The following URM1 variants were observed in gnomAD, a reference collection of about 807,000 sequenced individuals.
URM1 encodes ubiquitin-related modifier 1.
A neutral mutation model predicts 17.7 loss-of-function variants in URM1; 11 were observed. The observed-to-expected ratio is 0.62, with a 90% CI of 0.39 to 1.03. The LOEUF is 1.03. URM1 is among the 50% of genes least tolerant of loss of function. The pLI is 0.00. For missense variants in URM1, 128 were observed against 129.2 expected (o/e 0.99, Z 0.04); for synonymous variants, 48 against 50.6 (o/e 0.95, Z 0.22).
At chr9:128,376,624 G>A (rs1833081709) in intron 1 of URM1, among the ~76,000 whole-genome samples, 2 of 152,056 alleles carry the variant, frequency 1.3e-5, no homozygotes, top group Non-Finnish European at 2.9e-5. Flanking sequence ...TCGCACTACT[G>A]CACTCCAGCC....
chr9:128,382,006 G>A (rs1429794307), intron 2 of URM1, among the ~76,000 whole-genome samples: 1 of 152,244 alleles, frequency 6.6e-6, no homozygotes, highest in Non-Finnish European at 1.5e-5. Context: ...AAGAGAAGGA[G>A]GGAGGGACCT....
chr9:128,388,714 GCAGGACTGCAC>G (rs1052642188), intron 3 of URM1: 2 of 986,684 alleles, frequency 2.0e-6, no homozygotes, highest in Non-Finnish European at 2.4e-6. Context: ...CTTATGCCAG[GCAGGACTGCAC>G]GTGAGCATTG....
At chr9:128,381,698 C>T (rs1833161986) in intron 2 of URM1, among the ~76,000 whole-genome samples, 1 of 151,964 alleles carries the variant, frequency 6.6e-6, no homozygotes. Context: ...AAACAAAAAA[C>T]AAAACAAATA....
At chr9:128,388,062 C>G (rs922626696) in intron 3 of URM1, 165 bp downstream of exon 3, 1 of 1,358,394 alleles carries the variant, frequency 7.4e-7, no homozygotes, top group Non-Finnish European at 9.5e-7. Context: ...GTTACTAAAC[C>G]GAACTCTTGA....
chr9:128,389,991 T>C lies in URM1; in HGVS notation c.*257T>C, dbSNP rs928970464. 4 of 549,454 alleles carry C rather than the reference T, an allele frequency of 7.3e-6. No homozygotes were observed. The highest frequency in any genetic ancestry group is 1.3e-5 in the Non-Finnish European group (4 of 312,900). The allele number at this position is 549,454 out of a possible 1,614,324, so 34.0% of individuals were successfully genotyped here. ...CAGCTGTGGTGGGGGAGGGTTCCCC[T>C]CCAGTTTGTCAAGAGTTGAAGGAGG... On this transcript the variant is annotated 3_prime_UTR_variant, in exon 5 of 5. Coordinates refer to ENST00000372853, the MANE Select transcript of URM1 (RefSeq NM_030914.4).
At chr9:128,383,405 C>T (rs1833184782) in intron 2 of URM1, among the ~76,000 whole-genome samples, 1 of 152,112 alleles carries the variant, frequency 6.6e-6, no homozygotes, top group Non-Finnish European at 1.5e-5. Context: ...CTTTCTTTTC[C>T]CTTTTCAACT....
chr9:128,371,407 G>A lies in URM1; in HGVS notation c.27G>A (p.Val9=), dbSNP rs1469590480. ...TGGCTGCGCCCTTGTCAGTGGAGGT[G>A]GAGTTCGGGTGAGTCACAGAGCTGG... MAAPLSVE[V]EFGGGAELLF... The change falls in exon 1 of 5, where the codon GTG becomes GTA. Residue 9 remains valine, a synonymous_variant. Transcript: ENST00000372853. 1.2e-6 allele frequency: 2 copies of A among 1,613,246 alleles called. No individual in the cohort carries two copies.
At position 128,387,090 on chromosome 9, in the gene URM1, A is replaced by G. The variant is rs746843922; in HGVS notation, c.107-726A>G. The stretch of plus-strand genomic sequence containing the variant: ...AGGTGGCTCTGAGCCTCCACATGAC[A>G]TACAAGGAGGCTGGTGGCTCCCCCA... On this transcript the variant is annotated intron_variant, in intron 2 of 4. Transcript: ENST00000372853. The surrounding 1 kb of genome is among the most constrained non-coding windows in gnomAD (Gnocchi z 4.3). Among the ~76,000 whole-genome samples the G allele has an allele frequency of 1.3e-5, 2 of 152,176 alleles. No homozygotes were observed. Among genetic ancestry groups the G allele is most frequent in the African/African-American group, 2.4e-5 (1 of 41,440 alleles).
chr9:128,386,000 G>A lies in URM1; in HGVS notation c.107-1816G>A, dbSNP rs984801703. On this transcript the variant is annotated intron_variant, in intron 2 of 4. Coordinates refer to ENST00000372853, the MANE Select transcript of URM1 (RefSeq NM_030914.4). ...TCTGGGACTCCATGCTGGTGCCATC[G>A]TTTGGATGACTCCACCATGACCACT... Among the ~76,000 whole-genome samples the A allele has an allele frequency of 2.7e-4, 41 of 152,192 alleles. 1 individual carries two copies. The highest frequency in any genetic ancestry group is 9.9e-4 in the African/African-American group (41 of 41,448).
In URM1 at chr9:128,378,040, G is replaced by T; in HGVS notation, c.40G>T (p.Gly14Cys). ...TTCTCTGGTCCTCCTTTGCAGAGGT[G>T]GTGCGGAGCTCCTGTTTGACGGTAT... is the stretch of plus-strand genomic sequence containing the variant. ...PLSVEVEFGG[G>C]AELLFDGIKK... The change falls in exon 2 of 5, where the codon GGT (glycine) becomes TGT (cysteine). Residue 14 changes from glycine (G) to cysteine (C), a missense_variant. Physicochemically the swap from Gly to Cys is radical, Grantham distance 159 (BLOSUM62 -3). Transcript: ENST00000372853. 2 of 1,611,976 alleles carry T rather than the reference G, an allele frequency of 1.2e-6. No individual in the cohort carries two copies. Among genetic ancestry groups the T allele is most frequent in the Non-Finnish European group, 8.5e-7 (1 of 1,179,082 alleles).
chr9:128,372,152 A>G (rs187443325), intron 1 of URM1, among the ~76,000 whole-genome samples: 1 of 152,336 alleles, frequency 6.6e-6, no homozygotes, highest in Admixed American at 6.5e-5. Context: ...CAGGTTTGTC[A>G]TATGGTTTCA....
chr9:128,387,896 G>C lies in URM1; in HGVS notation c.187G>C (p.Val63Leu). The C allele has an allele frequency of 6.2e-7, 1 of 1,613,996 alleles. No individual in the cohort carries two copies. Among genetic ancestry groups the C allele is most frequent in the Middle Eastern group, 1.7e-4 (1 of 6,050 alleles). ...AGAGTTGTTCATCCAGGGAGACAGC[G>C]TGTGAGTCCCACTCCTCCCTTCCCT... The part of the protein sequence containing the change: ...RPELFIQGDS[V>L]RPGILVLIND... The change falls in exon 3 of 5, where the codon GTG (valine) becomes CTG (leucine). Residue 63 changes from valine (V) to leucine (L), a missense_variant and splice_region_variant. Coordinates refer to ENST00000372853, the MANE Select transcript of URM1 (RefSeq NM_030914.4). This position sits in a 1 kb window ranked among gnomAD's most constrained non-coding sequence, Gnocchi z 4.3.
chr9:128,375,140 C>T (rs1245289986), intron 1 of URM1, among the ~76,000 whole-genome samples: 2 of 152,328 alleles, frequency 1.3e-5, no homozygotes, highest in East Asian at 1.9e-4. Context: ...ATATCTACCT[C>T]CTTCCTTCTT....
chr9:128,371,625 GA>G (rs1833013743), intron 1 of URM1, among the ~76,000 whole-genome samples: 5 of 152,194 alleles, frequency 3.3e-5, no homozygotes, highest in Admixed American at 2.6e-4. Flanking sequence ...CATTGGGAGG[GA>G]AATGCTCTCT....
intron 2 of URM1, among the ~76,000 whole-genome samples, chr9:128,383,127 C>T (rs1175817380): frequency 6.6e-6 from 1 of 152,154 alleles, no homozygotes; most frequent in Non-Finnish European, 1.5e-5. Flanking sequence ...GCCAGCTGTT[C>T]CTTTCTCTGC....
intron 1 of URM1, among the ~76,000 whole-genome samples, chr9:128,374,341 G>C (rs1193710852): frequency 3.3e-5 from 5 of 152,172 alleles, no homozygotes; most frequent in African/African-American, 4.8e-5. Context: ...GCACCACCAG[G>C]TTTGGCCAGT....
At chr9:128,371,721 T>G (rs1833015332) in intron 1 of URM1, among the ~76,000 whole-genome samples, 1 of 152,214 alleles carries the variant, frequency 6.6e-6, no homozygotes. Context: ...TTTCCATTCC[T>G]ATCTCGGACC....
At chr9:128,384,361 A>G (rs1833199672) in intron 2 of URM1, among the ~76,000 whole-genome samples, 1 of 152,172 alleles carries the variant, frequency 6.6e-6, no homozygotes, top group South Asian at 2.1e-4. Flanking sequence ...CTACAGACTC[A>G]GAGTGTCATT....
chr9:128,389,327 C>T lies in URM1; in HGVS notation c.237+18C>T. On this transcript the variant is annotated intron_variant, in intron 4 of 4. Coordinates refer to ENST00000372853, the MANE Select transcript of URM1 (RefSeq NM_030914.4). ...AGCTACTGGTCAGTACCTTGGGGGA[C>T]ATCCCTCCCCCAGCCCCTGCCCTTG... 1.2e-6 allele frequency: 2 copies of T among 1,613,928 alleles called. No individual in the cohort carries two copies. Among genetic ancestry groups the T allele is most frequent in the Non-Finnish European group, 1.7e-6 (2 of 1,179,960 alleles).
Sources: allele counts gnomAD v4.1 joint callset (sites outside exome capture counted in the v4.1 genomes callset), GRCh38; gene constraint gnomAD v4.1.1; non-coding constraint Gnocchi (gnomAD v3.1); transcripts MANE v1.5; gene names NCBI Gene and HGNC (gene_info 2026-07-23, HGNC 2026-07-21).